MYO1D: variants seen among roughly 807,000 people sequenced by gnomAD.
MYO1D encodes myosin ID, also known as unconventional myosin-Id.
A neutral mutation model predicts 122.0 loss-of-function variants in MYO1D; 83 were observed. The observed-to-expected ratio is 0.68, with a 90% CI of 0.57 to 0.82. The LOEUF (loss-of-function observed/expected upper bound fraction) is 0.82, where lower values mean the gene tolerates loss of function less well. MYO1D is among the 40% of genes least tolerant of loss of function. The pLI, the probability that MYO1D is intolerant of heterozygous loss-of-function variation, is 0.00. For missense variants in MYO1D, 1,157 were observed against 1,269.5 expected (o/e 0.91, Z 1.35); for synonymous variants, 464 against 446.9 (o/e 1.04, Z -0.48).
intron 1 of MYO1D, among the ~76,000 whole-genome samples, chr17:32,790,641 A>T: frequency 6.6e-6 from 1 of 152,262 alleles, no homozygotes; most frequent in East Asian, 1.9e-4. Context: ...GAAAAATACA[A>T]TTAAATGGTA....
At chr17:32,834,820 T>A (rs1306865227) in intron 1 of MYO1D, among the ~76,000 whole-genome samples, 1 of 152,196 alleles carries the variant, frequency 6.6e-6, no homozygotes, top group Non-Finnish European at 1.5e-5. Context: ...AAGACCATCG[T>A]GGCCAACATG....
chr17:32,742,069 C>T (rs541924961), intron 13 of MYO1D, among the ~76,000 whole-genome samples: 92 of 151,346 alleles, frequency 6.1e-4, no homozygotes, highest in African/African-American at 2.2e-3. Flanking sequence ...GATGTTTGTG[C>T]CTGTGCTAGA....
chr17:32,751,189 A>T (rs890164705), intron 11 of MYO1D, among the ~76,000 whole-genome samples: 6 of 152,106 alleles, frequency 3.9e-5, no homozygotes, highest in Non-Finnish European at 8.8e-5. Flanking sequence ...GGTAACTTTA[A>T]TACGGAAGAA....
At chr17:32,789,038 C>A (rs2090325766) in intron 1 of MYO1D, among the ~76,000 whole-genome samples, 1 of 151,874 alleles carries the variant, frequency 6.6e-6, no homozygotes, top group South Asian at 2.1e-4. Context: ...GTGAAAGGGA[C>A]TGAGTTCTTG....
At chr17:32,552,949 A>G (rs1239776774) in intron 21 of MYO1D, among the ~76,000 whole-genome samples, 6 of 152,144 alleles carry the variant, frequency 3.9e-5, no homozygotes, top group Non-Finnish European at 7.3e-5. Flanking sequence ...TTAAAGAAGC[A>G]TGCCAGGCTG....
intron 16 of MYO1D, among the ~76,000 whole-genome samples, chr17:32,711,002 T>C (rs2089369295): frequency 2.0e-5 from 3 of 152,176 alleles, no homozygotes; most frequent in Non-Finnish European, 1.5e-5. Flanking sequence ...CCTGGCACTA[T>C]TTATATCAAT....
At chr17:32,622,848 A>G (rs114385747) in intron 20 of MYO1D, among the ~76,000 whole-genome samples, 318 of 152,296 alleles carry the variant, frequency 2.1e-3, no homozygotes, top group African/African-American at 7.4e-3. Context: ...GGGCCTCAAC[A>G]TTCAACTGAG....
chr17:32,567,021 A>T (rs1400479825), intron 21 of MYO1D, among the ~76,000 whole-genome samples: 3 of 151,326 alleles, frequency 2.0e-5, no homozygotes, highest in Non-Finnish European at 4.4e-5. Context: ...GAGGAAATCA[A>T]AAAGGAGCAG....
Position 32,824,742 on chromosome 17 carries a change from C to A in MYO1D, c.96-43958G>T, listed in dbSNP as rs1009798594. On this transcript the variant is annotated intron_variant, in intron 1 of 21. Transcript: ENST00000318217. ...CCATTTCTAGTAAATAGAAAACAAA[C>A]CATATACAGAACATTATTATGGCAT... is the stretch of plus-strand genomic sequence containing the variant. 2.6e-5 allele frequency among the ~76,000 whole-genome samples: 4 copies of A among 152,192 alleles called. No individual in the cohort carries two copies. The East Asian group carries it at 7.7e-4, about 29-fold the overall frequency.
chr17:32,859,616 C>A (rs770593489), intron 1 of MYO1D, among the ~76,000 whole-genome samples: 4 of 152,336 alleles, frequency 2.6e-5, no homozygotes, highest in Non-Finnish European at 5.9e-5. Context: ...GGCATGAATT[C>A]TGTCTTTTGG....
At chr17:32,788,720 G>C (rs1330297421) in intron 1 of MYO1D, among the ~76,000 whole-genome samples, 3 of 152,056 alleles carry the variant, frequency 2.0e-5, no homozygotes, top group Non-Finnish European at 2.9e-5. Context: ...GCTTAGTCTT[G>C]CTTTGGGGGT....
chr17:32,519,502 C>A (rs1654712712), intron 21 of MYO1D, among the ~76,000 whole-genome samples: 1 of 151,982 alleles, frequency 6.6e-6, no homozygotes, highest in South Asian at 2.1e-4. Flanking sequence ...GCTGCGGCTT[C>A]GAGCGCGACG....
chr17:32,523,694 A>C (rs1333834748), intron 21 of MYO1D, among the ~76,000 whole-genome samples: 1 of 149,922 alleles, frequency 6.7e-6, no homozygotes, highest in East Asian at 2.0e-4. Flanking sequence ...CCAGCTACTT[A>C]GGAGGCTGAG....
intron 21 of MYO1D, among the ~76,000 whole-genome samples, chr17:32,590,101 T>C (rs879444768): frequency 6.6e-6 from 1 of 152,242 alleles, no homozygotes; most frequent in Non-Finnish European, 1.5e-5. Context: ...TTTTATATTT[T>C]TATACTTACT....
At chr17:32,513,685 A>G (rs552343764) in intron 21 of MYO1D, among the ~76,000 whole-genome samples, 1 of 152,364 alleles carries the variant, frequency 6.6e-6, no homozygotes, top group African/African-American at 2.4e-5. Flanking sequence ...ACAATATTAC[A>G]GTGATGCTGT....
At chr17:32,553,114 A>G (rs563664592) in intron 21 of MYO1D, among the ~76,000 whole-genome samples, 1 of 151,426 alleles carries the variant, frequency 6.6e-6, no homozygotes. Context: ...AAAAAAAAAA[A>G]CAAAAAAACC....
chr17:32,859,218 T>G (rs2151086257), intron 1 of MYO1D, among the ~76,000 whole-genome samples: 1 of 152,388 alleles, frequency 6.6e-6, no homozygotes, highest in Non-Finnish European at 1.5e-5. Flanking sequence ...GATTCCAATC[T>G]AACTACAAAG....
chr17:32,693,606 A>G (rs1167430311), intron 16 of MYO1D, among the ~76,000 whole-genome samples: 1 of 152,166 alleles, frequency 6.6e-6, no homozygotes, highest in African/African-American at 2.4e-5. Context: ...TTATATTTTA[A>G]AATTGAGATT....
Position 32,865,249 on chromosome 17 carries a change from G to A in MYO1D, c.95+11529C>T, listed in dbSNP as rs367620370. ...TATACTGGACACAAAGCAACAGTCT[G>A]AGATAGAACCATTTGGGATAACCCG... On this transcript the variant is annotated intron_variant, in intron 1 of 21. Coordinates refer to ENST00000318217, the MANE Select transcript of MYO1D (RefSeq NM_015194.3). Among the ~76,000 whole-genome samples the A allele has an allele frequency of 5.9e-5, 9 of 152,286 alleles. No homozygotes were observed. The South Asian group carries it at 1.9e-3, about 32-fold the overall frequency.
Sources: gnomAD v4.1 joint callset for allele counts (sites outside exome capture counted in the v4.1 genomes callset) on GRCh38, gnomAD v4.1.1 for gene constraint, MANE v1.5 for transcripts, NCBI Gene and HGNC (gene_info 2026-07-23, HGNC 2026-07-21) for gene names.